The following CA10 variants were observed in gnomAD, a reference collection of about 807,000 sequenced individuals.
The protein encoded by CA10 is carbonic anhydrase-related protein 10.
CA10 carries 14 observed loss-of-function variants against 44.2 expected under a neutral mutation model. That is an observed-to-expected ratio of 0.32 (90% CI 0.21 to 0.50). The LOEUF is 0.50. CA10 is among the 20% of genes least tolerant of loss of function. CA10 has a pLI of 0.99. For synonymous variants in CA10, 159 were observed against 141.6 expected, an observed-to-expected ratio of 1.12 and a Z score of -0.87; for missense variants, 350 against 409.7, an observed-to-expected ratio of 0.85 and a Z score of 1.26.
chr17:51,960,999 G>A (rs767984021), intron 2 of CA10, among the ~76,000 whole-genome samples: 20 of 152,166 alleles, frequency 1.3e-4, no homozygotes, highest in Non-Finnish European at 2.6e-4. Context: ...AAGGCGTTAA[G>A]AGCAGAACTG....
intron 1 of CA10, among the ~76,000 whole-genome samples, chr17:52,123,353 A>ATG (rs1391611073): frequency 5.3e-5 from 7 of 132,132 alleles, no homozygotes; most frequent in African/African-American, 2.0e-4. Context: ...GTGTGTGTGT[A>ATG]TGTGTGTATA....
chr17:51,978,793 T>C (rs888026475), intron 2 of CA10, among the ~76,000 whole-genome samples: 1 of 152,086 alleles, frequency 6.6e-6, no homozygotes, highest in Non-Finnish European at 1.5e-5. Flanking sequence ...CCCACTTGTT[T>C]TGAACTTTTA....
chr17:51,749,527 C>T lies in CA10; in HGVS notation c.280-1709G>A, dbSNP rs570776676. Among the ~76,000 whole-genome samples the T allele has an allele frequency of 5.3e-5, 8 of 152,336 alleles. No individual in the cohort carries two copies. The East Asian group carries it at 1.5e-3, about 29-fold the overall frequency. ...CTGGCCCAGCTGAGATCAGCTTAGC[C>T]TGGCCCAGGTCAGAAATGTCCACTG... On this transcript the variant is annotated intron_variant, in intron 3 of 8. Coordinates refer to ENST00000451037, the MANE Select transcript of CA10 (RefSeq NM_020178.5).
rs1377333710 is a variant in CA10 at position 51,631,290 on chromosome 17, T to G, written c.*294A>C. 2.7e-6 allele frequency: 1 copy of G among 368,194 alleles called. No homozygotes were observed. The highest frequency in any genetic ancestry group is 4.9e-6 in the Non-Finnish European group (1 of 202,944). The allele number at this position is 368,194 out of a possible 1,614,324, so 22.8% of individuals were successfully genotyped here. A position where few individuals can be genotyped will look rare whatever the true frequency, so the allele number is the denominator to read the frequency against. On this transcript the variant is annotated 3_prime_UTR_variant, in exon 9 of 9. Transcript: ENST00000451037. ...ACCTCTTATGAATGAGACTTTTGTTTCTGAAACTTGACTTCCCATGATGGA... is the reference window on the plus strand; with the variant it reads ...ACCTCTTATGAATGAGACTTTTGTTGCTGAAACTTGACTTCCCATGATGGA...
chr17:51,650,177 G>C (rs1182116444), intron 5 of CA10, among the ~76,000 whole-genome samples: 1 of 152,178 alleles, frequency 6.6e-6, no homozygotes, highest in Non-Finnish European at 1.5e-5. Flanking sequence ...TCATTGATGA[G>C]ACTGTGATGT....
intron 1 of CA10, among the ~76,000 whole-genome samples, chr17:52,108,774 G>A (rs1035990433): frequency 4.7e-5 from 7 of 150,378 alleles, no homozygotes; most frequent in African/African-American, 1.7e-4. Flanking sequence ...GAGTGGGAGG[G>A]CGCAAGGGAT....
At chr17:51,852,944 G>T (rs1363182411) in intron 3 of CA10, among the ~76,000 whole-genome samples, 2 of 151,876 alleles carry the variant, frequency 1.3e-5, no homozygotes, top group African/African-American at 4.8e-5. Context: ...AGAGAAAAAT[G>T]GCTTTAGAAA....
chr17:51,638,725 T>C (rs1912940617), intron 6 of CA10, among the ~76,000 whole-genome samples: 2 of 152,156 alleles, frequency 1.3e-5, no homozygotes, highest in African/African-American at 4.8e-5. Flanking sequence ...AAATCTGCAT[T>C]GGGCCCAGAG....
intron 3 of CA10, among the ~76,000 whole-genome samples, chr17:51,866,287 T>A (rs1412496185): frequency 6.6e-6 from 1 of 152,208 alleles, no homozygotes; most frequent in African/African-American, 2.4e-5. Context: ...CTGAAAATAG[T>A]ATATTGTCTC....
intron 3 of CA10, among the ~76,000 whole-genome samples, chr17:51,755,840 CCAAGCT>C (rs1039879134): frequency 3.4e-4 from 52 of 152,294 alleles, no homozygotes; most frequent in African/African-American, 1.2e-3. Context: ...TCTTCATGAC[CCAAGCT>C]CATGCTCTTC....
In CA10 at chr17:52,092,151, T is replaced by C. The variant is rs147699003; in HGVS notation, c.62-19758A>G. Reference sequence around the variant, plus strand: ...GTTTCTCCCTCTTCGTGTGCATTTCTATGAGTGTCTGTTTGTATTTTTCTC... The same window carrying C: ...GTTTCTCCCTCTTCGTGTGCATTTCCATGAGTGTCTGTTTGTATTTTTCTC... On this transcript the variant is annotated intron_variant, in intron 1 of 8. Coordinates refer to ENST00000451037, the MANE Select transcript of CA10 (RefSeq NM_020178.5). Among the ~76,000 whole-genome samples, 552 of 152,228 alleles carry C rather than the reference T, an allele frequency of 3.6e-3. 5 individuals are homozygous for C. The highest frequency in any genetic ancestry group is 0.029 in the South Asian group (139 of 4,820).
intron 2 of CA10, among the ~76,000 whole-genome samples, chr17:51,954,321 T>C (rs1420786348): frequency 2.0e-5 from 3 of 152,198 alleles, no homozygotes; most frequent in African/African-American, 4.8e-5. Context: ...TCCATTTTTA[T>C]GCCTCCCTTG....
chr17:51,981,397 T>C (rs1984648752), intron 2 of CA10, among the ~76,000 whole-genome samples: 1 of 152,020 alleles, frequency 6.6e-6, no homozygotes, highest in African/African-American at 2.4e-5. Flanking sequence ...AAAAACATGA[T>C]GTTGAGCAAA....
intron 6 of CA10, among the ~76,000 whole-genome samples, chr17:51,642,906 G>A (rs1182708195): frequency 1.3e-5 from 2 of 152,284 alleles, no homozygotes; most frequent in East Asian, 3.9e-4. Flanking sequence ...GCCTCCCAAA[G>A]TGCTGGGATT....
intron 3 of CA10, among the ~76,000 whole-genome samples, chr17:51,922,937 C>G (rs1038240118): frequency 6.6e-6 from 1 of 152,140 alleles, no homozygotes; most frequent in Non-Finnish European, 1.5e-5. Context: ...ATAACCAGAC[C>G]CCTATCACTT....
At chr17:52,134,985 A>G (rs760191560) in intron 1 of CA10, 5 of 518,754 alleles carry the variant, frequency 9.6e-6, no homozygotes, top group Non-Finnish European at 1.9e-5. Flanking sequence ...ATCACCTTCA[A>G]CAGGTTACCT....
intron 3 of CA10, among the ~76,000 whole-genome samples, chr17:51,930,379 C>A (rs1377721797): frequency 6.6e-6 from 1 of 151,984 alleles, no homozygotes; most frequent in Non-Finnish European, 1.5e-5. Context: ...ACCCAATGGG[C>A]ACTTGTGCCC....
chr17:51,678,215 G>A (rs1914700811), intron 4 of CA10, among the ~76,000 whole-genome samples: 1 of 152,166 alleles, frequency 6.6e-6, no homozygotes, highest in Non-Finnish European at 1.5e-5. Flanking sequence ...GCTGGGGAAG[G>A]GAGAAATGGG....
At chr17:51,680,397 A>T (rs934008533) in intron 4 of CA10, among the ~76,000 whole-genome samples, 14 of 152,238 alleles carry the variant, frequency 9.2e-5, no homozygotes, top group African/African-American at 3.4e-4. Context: ...AAATGCTCTG[A>T]CACAAAGAAA....
Sources: gnomAD v4.1 joint callset for allele counts (sites outside exome capture counted in the v4.1 genomes callset) on GRCh38, gnomAD v4.1.1 for gene constraint, MANE v1.5 for transcripts, NCBI Gene and HGNC (gene_info 2026-07-23, HGNC 2026-07-21) for gene names.